The following NAALADL2 variants were observed in gnomAD, a reference collection of about 807,000 sequenced individuals.
NAALADL2 encodes N-acetylated alpha-linked acidic dipeptidase like 2.
Under a neutral mutation model 87.2 loss-of-function variants are expected in NAALADL2, and 76 were observed. The ratio of observed to expected loss-of-function variants is 0.87; its 90% CI spans 0.72 to 1.05. The LOEUF (loss-of-function observed/expected upper bound fraction) is 1.05. Among genes scored for constraint, NAALADL2 ranks in the 50% least tolerant of loss-of-function variants. The pLI is 0.00. For synonymous variants in NAALADL2, 354 were observed against 331.0 expected (o/e 1.07, Z -0.75); for missense variants, 1,089 against 945.8 (o/e 1.15, Z -1.99).
intron 2 of NAALADL2, among the ~76,000 whole-genome samples, chr3:174,661,496 T>A (rs1262457351): frequency 6.6e-6 from 1 of 152,136 alleles, no homozygotes; most frequent in East Asian, 1.9e-4. Flanking sequence ...AAAGGACATA[T>A]GTAAATATTG....
At chr3:175,233,082 C>T (rs1263603864) in intron 2 of NAALADL2, among the ~76,000 whole-genome samples, 2 of 152,060 alleles carry the variant, frequency 1.3e-5, no homozygotes, top group African/African-American at 4.8e-5. Context: ...AAGTACAACA[C>T]AACATTAATT....
At chr3:175,396,666 T>C (rs1011306393) in intron 5 of NAALADL2, among the ~76,000 whole-genome samples, 2 of 152,116 alleles carry the variant, frequency 1.3e-5, no homozygotes, top group Non-Finnish European at 2.9e-5. Context: ...TCATCTTGAA[T>C]TGTAGTTCCC....
intron 1 of NAALADL2, among the ~76,000 whole-genome samples, chr3:175,032,267 G>T (rs555500018): frequency 6.6e-6 from 1 of 152,012 alleles, no homozygotes; most frequent in African/African-American, 2.4e-5. Context: ...AAACAAAATT[G>T]TTAATATCCA....
chr3:174,805,487 C>G (rs775639983), intron 3 of NAALADL2, among the ~76,000 whole-genome samples: 1 of 152,086 alleles, frequency 6.6e-6, no homozygotes, highest in Non-Finnish European at 1.5e-5. Context: ...ACCTTTAGCA[C>G]TATTTATGCT....
chr3:175,520,747 A>T (rs991643399), intron 9 of NAALADL2, among the ~76,000 whole-genome samples: 1 of 152,244 alleles, frequency 6.6e-6, no homozygotes, highest in Non-Finnish European at 1.5e-5. Context: ...ATCCTCCCTC[A>T]CATATGGCAA....
chr3:175,238,416 A>G (rs1007216453), intron 3 of NAALADL2, among the ~76,000 whole-genome samples: 1 of 152,192 alleles, frequency 6.6e-6, no homozygotes, highest in Non-Finnish European at 1.5e-5. Flanking sequence ...AAAATGCAAT[A>G]CGGATAAACC....
rs78314599 is a variant in NAALADL2, at chr3:174,463,425, G to A, written c.-184+22393G>A. On this transcript the variant is annotated intron_variant, in intron 1 of 3. Transcript: ENST00000434257. ...AGAAGACTGGGAATCAAGTTGAAGG[G>A]TTGTTAGATAAATGAATATGAATTT... Among the ~76,000 whole-genome samples the A allele has an allele frequency of 4.0e-3, 602 of 152,210 alleles. 23 individuals are homozygous for A. Among genetic ancestry groups the A allele is most frequent in the Admixed American group, 0.029 (439 of 15,284 alleles).
chr3:175,375,326 T>C (rs1767013192), intron 5 of NAALADL2, among the ~76,000 whole-genome samples: 1 of 152,168 alleles, frequency 6.6e-6, no homozygotes, highest in South Asian at 2.1e-4. Context: ...ACATAGCCCA[T>C]TAGAATTTTT....
intron 5 of NAALADL2, among the ~76,000 whole-genome samples, chr3:175,371,164 T>G (rs1211301957): frequency 6.6e-6 from 1 of 152,226 alleles, no homozygotes; most frequent in Admixed American, 6.5e-5. Context: ...TTTTTTTTTA[T>G]ATTTAGCTTC....
At chr3:174,684,833 A>T (rs1727876743) in intron 2 of NAALADL2, among the ~76,000 whole-genome samples, 1 of 152,110 alleles carries the variant, frequency 6.6e-6, no homozygotes, top group South Asian at 2.1e-4. Context: ...CCAACGAGCT[A>T]TATTATATTT....
rs531882210 is a variant in NAALADL2 at position 175,789,741 on chromosome 3, T to TC, written c.2190-13263dup. On this transcript the variant is annotated intron_variant, in intron 13 of 13. Transcript: ENST00000454872. ...TTCTGCATATGTTAAATATTAAGTT[T>TC]CAAGAAAAAAGGTGGATATATATTA... Among the ~76,000 whole-genome samples the TC allele has an allele frequency of 5.9e-5, 9 of 152,220 alleles. No homozygotes were observed. The South Asian group carries it at 1.9e-3, about 32-fold the overall frequency.
intron 1 of NAALADL2, among the ~76,000 whole-genome samples, chr3:175,047,339 T>C (rs1307913399): frequency 6.6e-6 from 1 of 152,174 alleles, no homozygotes; most frequent in Non-Finnish European, 1.5e-5. Flanking sequence ...GTATTTCCCA[T>C]AGCAGGGTGG....
chr3:174,994,550 T>G (rs1224972374), intron 1 of NAALADL2, among the ~76,000 whole-genome samples: 1 of 152,230 alleles, frequency 6.6e-6, no homozygotes, highest in Non-Finnish European at 1.5e-5. Context: ...TTTCCAAATT[T>G]TATTAGCATT....
intron 2 of NAALADL2, among the ~76,000 whole-genome samples, chr3:174,732,923 A>G (rs953864566): frequency 1.3e-5 from 2 of 152,208 alleles, no homozygotes; most frequent in Non-Finnish European, 2.9e-5. Context: ...AAATACATGT[A>G]TTAATATGTG....
chr3:174,798,378 TTC>T (rs1302817684), intron 3 of NAALADL2, among the ~76,000 whole-genome samples: 5 of 152,202 alleles, frequency 3.3e-5, no homozygotes, highest in Non-Finnish European at 1.5e-5. Flanking sequence ...TACAGCCTTG[TTC>T]TCTCTTGTTA....
chr3:174,609,770 C>T (rs1347834428), intron 2 of NAALADL2, among the ~76,000 whole-genome samples: 1 of 152,112 alleles, frequency 6.6e-6, no homozygotes, highest in Non-Finnish European at 1.5e-5. Flanking sequence ...ATGTCATCCC[C>T]ATTAAGCTAC....
At chr3:175,188,633 G>C (rs1349228877) in intron 2 of NAALADL2, among the ~76,000 whole-genome samples, 1 of 152,138 alleles carries the variant, frequency 6.6e-6, no homozygotes, top group African/African-American at 2.4e-5. Flanking sequence ...GACCCCTGGA[G>C]TCCAAGCTAC....
chr3:174,958,984 C>T lies in NAALADL2; in HGVS notation c.43+99534C>T, dbSNP rs144205600. ...ATTATTTCCGAAGTGTTGGCATGTT[C>T]TCTTGAAGTTTAACGCAACAGTTTT... On this transcript the variant is annotated intron_variant, in intron 1 of 13. Coordinates refer to ENST00000454872, the MANE Select transcript of NAALADL2 (RefSeq NM_207015.3). 5.1e-3 allele frequency among the ~76,000 whole-genome samples: 770 copies of T among 152,156 alleles called. 9 individuals carry two copies. The highest frequency in any genetic ancestry group is 0.026 in the South Asian group (128 of 4,832).
chr3:174,618,349 C>G (rs576480687), intron 2 of NAALADL2, among the ~76,000 whole-genome samples: 1 of 151,582 alleles, frequency 6.6e-6, no homozygotes, highest in Admixed American at 6.6e-5. Flanking sequence ...CAAAAAGATA[C>G]AAGTAAAGAA....
Sources: allele counts gnomAD v4.1 joint callset (sites outside exome capture counted in the v4.1 genomes callset), GRCh38; gene constraint gnomAD v4.1.1; transcripts MANE v1.5; gene names NCBI Gene and HGNC (gene_info 2026-07-23, HGNC 2026-07-21).